KIF5B: variants seen among roughly 807,000 people sequenced by gnomAD.
KIF5B encodes kinesin-1 heavy chain.
Under a neutral mutation model 132.8 loss-of-function variants are expected in KIF5B, and 49 were observed. That is an observed-to-expected ratio of 0.37 (90% confidence interval 0.29 to 0.47). The LOEUF is 0.47. Ranked by LOEUF, KIF5B falls within the 20% of genes least tolerant of loss-of-function variation. The pLI is 1.00. For missense variants in KIF5B, 780 were observed against 1,144.0 expected (o/e 0.68, Z 4.59); for synonymous variants, 355 against 369.4 (o/e 0.96, Z 0.45).
At chr10:32,050,296 G>A (rs1182538141) in intron 1 of KIF5B, among the ~76,000 whole-genome samples, 7 of 152,092 alleles carry the variant, frequency 4.6e-5, no homozygotes, top group Admixed American at 6.5e-5. Context: ...TAAATAGGCC[G>A]GAAAGCCAAA....
At position 32,017,231 on chromosome 10, in the gene KIF5B, A is replaced by G. The variant is rs749798990; in HGVS notation, c.2673T>C (p.Asp891=). 1 of 1,614,112 alleles carries G rather than the reference A, an allele frequency of 6.2e-7. No individual in the cohort carries two copies. Among genetic ancestry groups the G allele is most frequent in the East Asian group, 2.2e-5 (1 of 44,892 alleles). Residue 891 remains aspartate, a synonymous_variant, in exon 24 of 26, where the codon GAT becomes GAC. Transcript: ENST00000302418. ...CTACTTCTTGCTGATAGCGTTTGCGATCACGAGATGCATTTTCTTTAGCTT... is the reference window on the plus strand; with the variant it reads ...CTACTTCTTGCTGATAGCGTTTGCGGTCACGAGATGCATTTTCTTTAGCTT... ...LKEAKENASR[D]RKRYQQEVDR... is the part of the protein sequence containing the mutation.
rs1841757960 is a variant in KIF5B, at chr10:32,056,007, A to T, written c.-34T>A. The T allele has an allele frequency of 6.3e-7, 1 of 1,595,168 alleles. No homozygotes were observed. The highest frequency in any genetic ancestry group is 8.5e-7 in the Non-Finnish European group (1 of 1,178,276). On this transcript the variant is annotated 5_prime_UTR_variant, in exon 1 of 26. Transcript: ENST00000302418. The stretch of plus-strand genomic sequence containing the variant: ...CAGCCGGGGCCGGCGGCCGGGAGCC[A>T]CTCCCCGCCGCTCAGTCTTGCAGGG...
chr10:32,046,148 G>A (rs1841606170), intron 2 of KIF5B, among the ~76,000 whole-genome samples: 2 of 152,100 alleles, frequency 1.3e-5, no homozygotes, highest in Non-Finnish European at 2.9e-5. Context: ...GTGCAAGTAT[G>A]GAATGGGGCT....
At chr10:32,038,653 AATT>A (rs1841492305) in intron 5 of KIF5B, 122 bp downstream of exon 5, 1 of 634,586 alleles carries the variant, frequency 1.6e-6, no homozygotes, top group African/African-American at 1.9e-5. Flanking sequence ...GAAGAAAAAA[AATT>A]TTGTCTATTT....
chr10:32,027,490 T>C (rs1304685975), intron 15 of KIF5B, among the ~76,000 whole-genome samples: 2 of 152,148 alleles, frequency 1.3e-5, no homozygotes, highest in Admixed American at 6.5e-5. Flanking sequence ...TACTATTATA[T>C]GTTTGAAATT....
Position 32,048,508 on chromosome 10 carries a change from G to A in KIF5B, c.170C>T (p.Ser57Phe). ...ACAGTCATTATACACTTGCTCTTGA[G>A]ATGTGCTTGACTGGAACACCCGATC... is the stretch of plus-strand genomic sequence containing the variant. ...AFDRVFQSSTSQEQVYNDCAK... is the reference protein window; with the variant it reads ...AFDRVFQSSTFQEQVYNDCAK... The change falls in exon 2 of 26, where the codon TCT becomes TTT. Residue 57 changes from serine (S) to phenylalanine (F), a missense_variant. Around this residue, in one of 9 missense-constraint regions of KIF5B, gnomAD observed 66 missense variants for 83.4 expected, o/e 0.79. Coordinates refer to ENST00000302418, the MANE Select transcript of KIF5B (RefSeq NM_004521.3). The A allele has an allele frequency of 1.2e-6, 2 of 1,613,710 alleles. No individual in the cohort carries two copies. Among genetic ancestry groups the A allele is most frequent in the Non-Finnish European group, 1.7e-6 (2 of 1,179,822 alleles).
In KIF5B at chr10:32,056,201, GGCGGCGGCA is replaced by G. The variant is rs988787085; in HGVS notation, c.-237_-229del. ...ACTTCCGATCCATCATGGCAGCCAT[GGCGGCGGCA>G]GCGGCGGCGGCACCGGGGAGAGCGT... On this transcript the variant is annotated 5_prime_UTR_variant, in exon 1 of 26. Coordinates refer to ENST00000302418, the MANE Select transcript of KIF5B (RefSeq NM_004521.3). 86 of 510,056 alleles carry G rather than the reference GGCGGCGGCA, an allele frequency of 1.7e-4. No individual in the cohort carries two copies. The highest frequency in any genetic ancestry group is 2.7e-4 in the Non-Finnish European group (81 of 297,290). 31.6% of individuals were successfully genotyped at this position (510,056 alleles called of 1,614,324 possible). A position where few individuals can be genotyped will look rare whatever the true frequency, so the allele number is the denominator to read the frequency against.
chr10:32,037,519 C>T lies in KIF5B; in HGVS notation c.586+1G>A. The T allele has an allele frequency of 6.2e-7, 1 of 1,608,914 alleles. No homozygotes were observed. The highest frequency in any genetic ancestry group is 1.1e-5 in the South Asian group (1 of 90,954). ...CCTAACCAGTGTTATTTTCTACTTACTTGTAACTGCTACATGTCTGTTGGA... is the reference window on the plus strand; with the variant it reads ...CCTAACCAGTGTTATTTTCTACTTATTTGTAACTGCTACATGTCTGTTGGA... On this transcript the variant is annotated splice_donor_variant, in intron 7 of 25. Transcript: ENST00000302418. LOFTEE classifies it high-confidence loss of function.
chr10:32,040,256 A>G (rs779867867), intron 3 of KIF5B, 128 bp downstream of exon 3: 10 of 689,590 alleles, frequency 1.5e-5, no homozygotes, highest in Non-Finnish European at 2.1e-5. Context: ...TGTTACATGT[A>G]TATTATTTGT....
chr10:32,024,658 G>A (rs992818239), intron 15 of KIF5B, among the ~76,000 whole-genome samples: 2 of 151,770 alleles, frequency 1.3e-5, no homozygotes, highest in African/African-American at 4.8e-5. Flanking sequence ...CCAGCTACTC[G>A]GGAGGCTGAG....
intron 2 of KIF5B, among the ~76,000 whole-genome samples, chr10:32,041,913 A>C (rs942947650): frequency 6.6e-6 from 1 of 152,196 alleles, no homozygotes; most frequent in Non-Finnish European, 1.5e-5. Flanking sequence ...GGCCTAAGTA[A>C]GCCCCTGCAC....
intron 15 of KIF5B, among the ~76,000 whole-genome samples, chr10:32,023,297 A>G (rs1399347023): frequency 6.6e-6 from 1 of 152,228 alleles, no homozygotes; most frequent in Non-Finnish European, 1.5e-5. Context: ...GTAAACCTAA[A>G]GAAAACACAA....
chr10:32,055,318 T>C (rs1841739731), intron 1 of KIF5B, among the ~76,000 whole-genome samples: 1 of 152,242 alleles, frequency 6.6e-6, no homozygotes, highest in South Asian at 2.1e-4. Context: ...GTACCTCTTT[T>C]TGGTGCTTTT....
intron 3 of KIF5B, among the ~76,000 whole-genome samples, chr10:32,039,965 A>G (rs1352528169): frequency 6.6e-6 from 1 of 152,230 alleles, no homozygotes; most frequent in African/African-American, 2.4e-5. Context: ...TATTATTAAC[A>G]GCAGCACTGA....
intron 4 of KIF5B, 86 bp downstream of exon 4, chr10:32,039,241 A>T: frequency 1.7e-6 from 1 of 586,294 alleles, no homozygotes; most frequent in Non-Finnish European, 2.9e-6. Context: ...AACAATTTTT[A>T]AAATTAAAGA....
chr10:32,051,229 T>G (rs1334872600), intron 1 of KIF5B, among the ~76,000 whole-genome samples: 1 of 152,212 alleles, frequency 6.6e-6, no homozygotes, highest in African/African-American at 2.4e-5. Context: ...TGGCTAATTT[T>G]TGTATTTTTA....
chr10:32,048,925 G>C (rs1341721604), intron 1 of KIF5B, among the ~76,000 whole-genome samples: 4 of 152,104 alleles, frequency 2.6e-5, no homozygotes, highest in Non-Finnish European at 1.5e-5. Flanking sequence ...CTGGAGTGCA[G>C]TGGCACAATC....
chr10:32,037,612 G>A lies in KIF5B; in HGVS notation c.499-5C>T. On this transcript the variant is annotated splice_region_variant and splice_polypyrimidine_tract_variant and intron_variant, in intron 6 of 25. Coordinates refer to ENST00000302418, the MANE Select transcript of KIF5B (RefSeq NM_004521.3). ...TACAAAACGCTCTGTGCACCCCTGT[G>A]AAATAATTTTTAAAAATATGTTAAT... 3 of 1,595,694 alleles carry A rather than the reference G, an allele frequency of 1.9e-6. No individual in the cohort carries two copies. Among genetic ancestry groups the A allele is most frequent in the Non-Finnish European group, 2.6e-6 (3 of 1,165,140 alleles).
intron 14 of KIF5B, 39 bp from the exon 15 acceptor site, chr10:32,028,610 T>C: frequency 1.9e-6 from 3 of 1,551,678 alleles, no homozygotes; most frequent in Non-Finnish European, 1.8e-6. Context: ...TTAAATCTAC[T>C]ACATGAAAAT....
Sources: gnomAD v4.1 joint callset for allele counts (sites outside exome capture counted in the v4.1 genomes callset) on GRCh38, gnomAD v4.1.1 for gene constraint, gnomAD v4.1.1 regional missense constraint, MANE v1.5 for transcripts, NCBI Gene and HGNC (gene_info 2026-07-23, HGNC 2026-07-21) for gene names.